PCDHGB4: variants seen among roughly 807,000 people sequenced by gnomAD.
PCDHGB4 encodes protocadherin gamma-B4.
In PCDHGB4, 38 loss-of-function variants were observed where a neutral mutation model predicts 60.5. The ratio of observed to expected loss-of-function variants is 0.63; its 90% CI spans 0.48 to 0.82. PCDHGB4 has a LOEUF of 0.82. Among genes scored for constraint, PCDHGB4 ranks in the 40% least tolerant of loss-of-function variants. PCDHGB4 has a pLI of 0.00. For synonymous variants in PCDHGB4, 456 were observed against 509.7 expected (o/e 0.89, Z 1.42); for missense variants, 1,109 against 1,209.6 (o/e 0.92, Z 1.23).
chr5:141,494,639 C>T, intron 1 of PCDHGB4, 168 bp from the exon 2 acceptor site: 1 of 901,070 alleles, frequency 1.1e-6, no homozygotes, highest in Non-Finnish European at 1.3e-6. Flanking sequence ...ACCTCTGAGA[C>T]CTGAGGTGTA....
intron 1 of PCDHGB4, among the ~76,000 whole-genome samples, chr5:141,460,135 T>G (rs2098983196): frequency 6.6e-6 from 1 of 152,044 alleles, no homozygotes; most frequent in South Asian, 2.1e-4. Flanking sequence ...ATATATATAT[T>G]CTTGATGTGA....
intron 1 of PCDHGB4, among the ~76,000 whole-genome samples, chr5:141,472,742 T>C (rs926507203): frequency 2.0e-5 from 3 of 151,762 alleles, no homozygotes; most frequent in Non-Finnish European, 4.4e-5. Flanking sequence ...TCCCAGCACT[T>C]TGGGAGGCGG....
At chr5:141,501,841 C>T (rs2099811330) in intron 2 of PCDHGB4, among the ~76,000 whole-genome samples, 1 of 152,130 alleles carries the variant, frequency 6.6e-6, no homozygotes, top group African/African-American at 2.4e-5. Flanking sequence ...CTGTTTGGCC[C>T]TCAACCTTCA....
Position 141,389,630 on chromosome 5 carries a change from T to G in PCDHGB4, c.1746T>G (p.Pro582=). Residue 582 remains proline (P), a synonymous_variant, in exon 1 of 4, where the codon CCT becomes CCG. Transcript: ENST00000519479. ...ATATGGTGCCGCACGCTGCAGAGCC[T>G]GGCTACTTGGTGACCAAGGTAGTGG... ...LFDMVPHAAE[P]GYLVTKVVAV... The G allele has an allele frequency of 6.2e-7, 1 of 1,612,990 alleles. No homozygotes were observed. Among genetic ancestry groups the G allele is most frequent in the South Asian group, 1.1e-5 (1 of 91,052 alleles).
intron 1 of PCDHGB4, chr5:141,393,354 G>T: frequency 6.2e-7 from 1 of 1,613,944 alleles, no homozygotes; most frequent in African/African-American, 1.3e-5. Flanking sequence ...CTTCTCCCTG[G>T]ACGTGCAGAC....
rs761905572 is a variant in PCDHGB4 at position 141,486,493 on chromosome 5, T to A, written c.2398-8314T>A. The A allele has an allele frequency of 2.5e-6, 4 of 1,614,136 alleles. No homozygotes were observed. The highest frequency in any genetic ancestry group is 1.7e-4 in the Middle Eastern group (1 of 6,060). On this transcript the variant is annotated intron_variant, in intron 1 of 3. Transcript: ENST00000519479. This position sits in a 1 kb window ranked among gnomAD's most constrained non-coding sequence, Gnocchi z 5.0. ...ACCCTCCTCTCAGTACCCACAGAAC[T>A]ATTTTCCTCAATATTTCAGATGTGA... is the stretch of plus-strand genomic sequence containing the variant.
At chr5:141,392,893 G>A (rs1281523592) in intron 1 of PCDHGB4, 10 of 1,613,662 alleles carry the variant, frequency 6.2e-6, no homozygotes, top group African/African-American at 2.7e-5. Flanking sequence ...TGGGAAATCG[G>A]GAGGGGACAG....
chr5:141,416,042 A>G (rs1024979061), intron 1 of PCDHGB4: 1 of 193,196 alleles, frequency 5.2e-6, no homozygotes, highest in African/African-American at 2.3e-5. Context: ...ACCTCTGGAA[A>G]CACAACCCAA....
In PCDHGB4 at chr5:141,399,169, C is replaced by G. The variant is rs371809310; in HGVS notation, c.2397+8888C>G. On this transcript the variant is annotated intron_variant, in intron 1 of 3. Transcript: ENST00000519479. ...TAGCCCAGAAGTTACATTCCATTCT[C>G]TACTTGAAATGATTCTGGAAAACGC... 2.4e-5 allele frequency: 38 copies of G among 1,613,632 alleles called. No individual in the cohort carries two copies. In the African/African-American group the frequency reaches 4.0e-4, roughly 17 times the overall value.
intron 1 of PCDHGB4, chr5:141,423,369 A>C: frequency 1.9e-6 from 3 of 1,614,104 alleles, no homozygotes; most frequent in Non-Finnish European, 2.5e-6. Flanking sequence ...TGCTGCTGGC[A>C]CTCAGGCTGT....
chr5:141,433,222 A>G, intron 1 of PCDHGB4: 6 of 1,519,556 alleles, frequency 3.9e-6, no homozygotes, highest in Non-Finnish European at 5.4e-6. Flanking sequence ...TTTTTTTTTA[A>G]TTGCTCTGTC....
At chr5:141,404,484 C>G in intron 1 of PCDHGB4, 1 of 1,613,504 alleles carries the variant, frequency 6.2e-7, no homozygotes, top group East Asian at 2.2e-5. Context: ...AACTCAGACA[C>G]TGGTGTGCTG....
rs750216656 is a variant in PCDHGB4 at position 141,422,121 on chromosome 5, A to G, written c.2397+31840A>G. 4.4e-6 allele frequency: 7 copies of G among 1,602,838 alleles called. No individual in the cohort carries two copies. In the Admixed American group the frequency reaches 8.8e-5, roughly 20 times the overall value. On this transcript the variant is annotated intron_variant, in intron 1 of 3. Coordinates refer to ENST00000519479, the MANE Select transcript of PCDHGB4 (RefSeq NM_003736.4). ...CTGAAATATTCCAATTGGATTCACA[A>G]ACTGGAGAAGTTCAAGTACGGGGGT...
chr5:141,388,568 ACACG>A lies in PCDHGB4; in HGVS notation c.685_688del (p.His229PhefsTer2). ...CACCCCTAAGCAGCACTGCACAGAT[ACACG>A]TTCTAGTGACTGATGCCAATGATAA... On this transcript the variant is annotated frameshift_variant, in exon 1 of 4. Transcript: ENST00000519479. LOFTEE classifies it high-confidence loss of function. 6.2e-7 allele frequency: 1 copy of A among 1,613,888 alleles called. No individual in the cohort carries two copies. Among genetic ancestry groups the A allele is most frequent in the Non-Finnish European group, 8.5e-7 (1 of 1,179,892 alleles).
In PCDHGB4 at chr5:141,511,284, G is replaced by A; in HGVS notation, c.*111G>A. Reference sequence around the variant, plus strand: ...AGGGCTAACCCCCAGAATACTGGTAGGGGCCAAGGCCATGCTCCCCTTGGG... The same window carrying A: ...AGGGCTAACCCCCAGAATACTGGTAAGGGCCAAGGCCATGCTCCCCTTGGG... On this transcript the variant is annotated 3_prime_UTR_variant, in exon 4 of 4. Coordinates refer to ENST00000519479, the MANE Select transcript of PCDHGB4 (RefSeq NM_003736.4). 6.5e-7 allele frequency: 1 copy of A among 1,528,376 alleles called. No individual in the cohort carries two copies. The highest frequency in any genetic ancestry group is 1.4e-5 in the African/African-American group (1 of 72,796). The allele number at this position is 1,528,376 out of a possible 1,614,324, so 94.7% of individuals were successfully genotyped here.
At chr5:141,480,763 A>G (rs541754723) in intron 1 of PCDHGB4, among the ~76,000 whole-genome samples, 1 of 152,308 alleles carries the variant, frequency 6.6e-6, no homozygotes, top group East Asian at 1.9e-4. Flanking sequence ...GAAGGTCCCC[A>G]CTTGATCCTA....
intron 1 of PCDHGB4, among the ~76,000 whole-genome samples, chr5:141,463,797 T>C (rs58523023): frequency 0.28 from 42,459 of 152,012 alleles, 6,656 homozygotes; most frequent in African/African-American, 0.43. Flanking sequence ...TGAACAAATG[T>C]CTAAAAGCTT....
chr5:141,390,183 T>C lies in PCDHGB4; in HGVS notation c.2299T>C (p.Cys767Arg), dbSNP rs532412915. The C allele has an allele frequency of 1.2e-6, 2 of 1,614,034 alleles. No individual in the cohort carries two copies. Among genetic ancestry groups the C allele is most frequent in the Admixed American group, 1.7e-5 (1 of 60,028 alleles). Residue 767 changes from cysteine (C) to arginine (R), a missense_variant, in exon 1 of 4, where the codon TGT (cysteine) becomes CGT (arginine). Around this residue, in one of 2 missense-constraint regions of PCDHGB4, gnomAD observed 1,068 missense variants for 1,089.9 expected, o/e 0.98. Coordinates refer to ENST00000519479, the MANE Select transcript of PCDHGB4 (RefSeq NM_003736.4). ...AAAGACGGAGTTTAATTTCCTAAAATGTAGTGAGCAGTTGAGTTCAGGACA... is the reference window on the plus strand; with the variant it reads ...AAAGACGGAGTTTAATTTCCTAAAACGTAGTGAGCAGTTGAGTTCAGGACA... Reference protein sequence around the residue: ...TGKTEFNFLKCSEQLSSGQDI... With the variant: ...TGKTEFNFLKRSEQLSSGQDI...
chr5:141,425,394 G>T (rs186813737), intron 1 of PCDHGB4, among the ~76,000 whole-genome samples: 10 of 152,302 alleles, frequency 6.6e-5, no homozygotes, highest in African/African-American at 2.4e-4. Context: ...TAGTGATAAA[G>T]TTCTGTTAAG....
Sources: allele counts gnomAD v4.1 joint callset (sites outside exome capture counted in the v4.1 genomes callset), GRCh38; gene constraint gnomAD v4.1.1; regional missense constraint gnomAD v4.1.1; non-coding constraint Gnocchi (gnomAD v3.1); transcripts MANE v1.5; gene names NCBI Gene and HGNC (gene_info 2026-07-23, HGNC 2026-07-21).